Variants in PKHD1 observed in about 807,000 individuals in gnomAD.
PKHD1 encodes fibrocystin.
Under a neutral mutation model 412.0 loss-of-function variants are expected in PKHD1, and 291 were observed. The ratio of observed to expected loss-of-function variants is 0.71; its 90% CI spans 0.64 to 0.78. The LOEUF is 0.78. PKHD1 is among the 30% of genes least tolerant of loss of function. PKHD1 has a pLI of 0.00. For missense variants in PKHD1, 4,825 were observed against 4,950.7 expected, an observed-to-expected ratio of 0.97 and a Z score of 0.76; for synonymous variants, 1,777 against 1,821.5, an observed-to-expected ratio of 0.98 and a Z score of 0.62.
intron 60 of PKHD1, among the ~76,000 whole-genome samples, chr6:51,706,027 A>T (rs1331303165): frequency 6.6e-6 from 1 of 152,172 alleles, no homozygotes; most frequent in Admixed American, 6.6e-5. Flanking sequence ...ATTTACAGAT[A>T]TTAAATGCCC....
chr6:51,754,292 C>T (rs891516986), intron 56 of PKHD1, among the ~76,000 whole-genome samples: 1 of 151,706 alleles, frequency 6.6e-6, no homozygotes, highest in African/African-American at 2.4e-5. Context: ...TCATTTTTTG[C>T]AGTAATAGTA....
intron 27 of PKHD1, among the ~76,000 whole-genome samples, chr6:52,037,341 T>C (rs945922284): frequency 3.9e-5 from 6 of 152,096 alleles, no homozygotes; most frequent in Non-Finnish European, 7.4e-5. Context: ...CCTAAGTATT[T>C]TAGAAGTCCT....
intron 61 of PKHD1, among the ~76,000 whole-genome samples, chr6:51,653,424 T>C (rs868314677): frequency 9.2e-5 from 14 of 152,096 alleles, no homozygotes; most frequent in African/African-American, 3.1e-4. Context: ...GTACATGTTG[T>C]TATAGTAACA....
intron 60 of PKHD1, chr6:51,682,214 A>G (rs1212843673): frequency 2.2e-6 from 1 of 456,070 alleles, no homozygotes; most frequent in Admixed American, 2.4e-5. Flanking sequence ...TAAAGAACAT[A>G]AGGGAACTCT....
chr6:51,793,274 A>C (rs1356949951), intron 52 of PKHD1, among the ~76,000 whole-genome samples: 1 of 152,250 alleles, frequency 6.6e-6, no homozygotes, highest in African/African-American at 2.4e-5. Flanking sequence ...TTATGGGTTC[A>C]TGACTTTAAG....
chr6:51,619,576 C>A (rs186383583), intron 66 of PKHD1, 56 bp from the exon 67 acceptor site: 1 of 1,381,740 alleles, frequency 7.2e-7, no homozygotes, highest in Non-Finnish European at 1.0e-6. Context: ...CAGTTAATTA[C>A]ACATTTTGCA....
At chr6:51,750,592 A>G (rs533355194) in intron 57 of PKHD1, among the ~76,000 whole-genome samples, 1 of 152,188 alleles carries the variant, frequency 6.6e-6, no homozygotes, top group African/African-American at 2.4e-5. Context: ...GAAGCTCCAC[A>G]TGTTCGGCTA....
chr6:51,909,481 T>C lies in PKHD1; in HGVS notation c.6491-7A>G. On this transcript the variant is annotated splice_polypyrimidine_tract_variant and splice_region_variant and intron_variant, in intron 39 of 66. Coordinates refer to ENST00000371117, the MANE Select transcript of PKHD1 (RefSeq NM_138694.4). ...AAACAGTGCTGCAGATTACCTGAAATGCAAAATAAAGTCCAGAGAACCTAA... is the reference window on the plus strand; with the variant it reads ...AAACAGTGCTGCAGATTACCTGAAACGCAAAATAAAGTCCAGAGAACCTAA... 6.2e-7 allele frequency: 1 copy of C among 1,610,806 alleles called. No homozygotes were observed. Among genetic ancestry groups the C allele is most frequent in the Non-Finnish European group, 8.5e-7 (1 of 1,177,218 alleles).
intron 52 of PKHD1, among the ~76,000 whole-genome samples, chr6:51,792,550 C>G (rs1056391407): frequency 2.6e-5 from 4 of 152,204 alleles, no homozygotes; most frequent in African/African-American, 9.7e-5. Context: ...CTCTTGTTTT[C>G]CTAAGTTCAC....
At chr6:52,076,457 C>G in intron 5 of PKHD1, 124 bp from the exon 6 acceptor site, 1 of 736,122 alleles carries the variant, frequency 1.4e-6, no homozygotes, top group East Asian at 2.6e-5. Flanking sequence ...CTCATGTCAC[C>G]CTCACATCTG....
At chr6:52,074,935 T>C (rs1232954356) in intron 6 of PKHD1, among the ~76,000 whole-genome samples, 1 of 152,140 alleles carries the variant, frequency 6.6e-6, no homozygotes, top group African/African-American at 2.4e-5. Context: ...AACTCCAACT[T>C]GGTGGAAGAA....
chr6:51,950,220 A>AATATATATATATATATATATAT (rs1333126139), intron 36 of PKHD1, among the ~76,000 whole-genome samples: 56 of 98,286 alleles, frequency 5.7e-4, no homozygotes, highest in South Asian at 2.1e-3. Context: ...GAAAAAAAAA[A>AATATATATATATATATATATAT]ATATATATAT....
intron 53 of PKHD1, among the ~76,000 whole-genome samples, chr6:51,779,174 C>T (rs1791565034): frequency 6.6e-6 from 1 of 152,120 alleles, no homozygotes. Flanking sequence ...CTTGAAATAG[C>T]AAACAATTAG....
chr6:51,634,324 A>G (rs1768269400), intron 64 of PKHD1, among the ~76,000 whole-genome samples: 1 of 152,152 alleles, frequency 6.6e-6, no homozygotes, highest in Non-Finnish European at 1.5e-5. Context: ...TACTACAACA[A>G]AATCTCCTCT....
chr6:52,050,123 G>A, intron 22 of PKHD1, 34 bp downstream of exon 22: 1 of 1,608,622 alleles, frequency 6.2e-7, no homozygotes, highest in South Asian at 1.1e-5. Flanking sequence ...GCATTCTTAG[G>A]AGAAGGGACA....
chr6:51,989,959 AGAAGGAAGGAAG>A (rs769016813), intron 35 of PKHD1, among the ~76,000 whole-genome samples: 2 of 36,540 alleles, frequency 5.5e-5, no homozygotes, highest in Non-Finnish European at 1.1e-4. Context: ...AAGGAAGGAA[AGAAGGAAGGAAG>A]GAAGGAAGGA....
chr6:51,861,325 T>C (rs1346005976), intron 48 of PKHD1, among the ~76,000 whole-genome samples: 1 of 152,220 alleles, frequency 6.6e-6, no homozygotes, highest in Admixed American at 6.5e-5. Flanking sequence ...TCCCTGGTTT[T>C]TGTTTACCAT....
intron 52 of PKHD1, among the ~76,000 whole-genome samples, chr6:51,794,098 G>A (rs531938680): frequency 4.3e-4 from 63 of 147,288 alleles, no homozygotes; most frequent in African/African-American, 1.4e-3. Flanking sequence ...GTGCAGTGGC[G>A]TGATCTCGGC....
At chr6:51,958,352 C>T (rs79264783) in intron 36 of PKHD1, among the ~76,000 whole-genome samples, 34 of 152,166 alleles carry the variant, frequency 2.2e-4, no homozygotes, top group African/African-American at 7.5e-4. Flanking sequence ...ACCAGAAATG[C>T]TAAGAAAAAC....
Sources: gnomAD v4.1 joint callset for allele counts (sites outside exome capture counted in the v4.1 genomes callset) on GRCh38, gnomAD v4.1.1 for gene constraint, MANE v1.5 for transcripts, NCBI Gene and HGNC (gene_info 2026-07-23, HGNC 2026-07-21) for gene names.